Variants in MTMR3 observed in about 807,000 individuals in gnomAD.
The protein encoded by MTMR3 is phosphatidylinositol-3,5-bisphosphate 3-phosphatase MTMR3.
A neutral mutation model predicts 132.4 loss-of-function variants in MTMR3; 32 were observed. That is an observed-to-expected ratio of 0.24 (90% CI 0.18 to 0.32). The LOEUF (loss-of-function observed/expected upper bound fraction) is 0.32, where lower values mean the gene tolerates loss of function less well. Among genes scored for constraint, MTMR3 ranks in the 10% least tolerant of loss-of-function variants. The pLI is 1.00. For synonymous variants in MTMR3, 556 were observed against 550.3 expected, an observed-to-expected ratio of 1.01 and a Z score of -0.14; for missense variants, 1,216 against 1,489.6, an observed-to-expected ratio of 0.82 and a Z score of 3.02.
At chr22:29,909,201 G>A (rs942367449) in intron 1 of MTMR3, among the ~76,000 whole-genome samples, 1 of 151,902 alleles carries the variant, frequency 6.6e-6, no homozygotes, top group Admixed American at 6.6e-5. Context: ...GGCTTACTGT[G>A]CCTGGCCCAC....
chr22:29,883,457 C>T (rs1336445054), intron 1 of MTMR3, 98 bp downstream of exon 1: 1 of 152,542 alleles, frequency 6.6e-6, no homozygotes, highest in Non-Finnish European at 1.5e-5. Context: ...CGGCTGTCAC[C>T]CTCTGAGGAG....
At chr22:29,920,527 GTTAT>G (rs1016390664) in intron 1 of MTMR3, among the ~76,000 whole-genome samples, 1 of 152,104 alleles carries the variant, frequency 6.6e-6, no homozygotes, top group Non-Finnish European at 1.5e-5. Context: ...TGAATGTTAT[GTTAT>G]ATTTGTTTGG....
Position 30,020,010 on chromosome 22 carries a change from G to T in MTMR3, c.2351G>T (p.Arg784Met), listed in dbSNP as rs780964877. The T allele has an allele frequency of 9.3e-6, 15 of 1,614,192 alleles. No individual in the cohort carries two copies. Among genetic ancestry groups the T allele is most frequent in the Non-Finnish European group, 1.3e-5 (15 of 1,180,034 alleles). Reference sequence around the variant, plus strand: ...CTCAGTTCTCTCCAGGTCCCCCCCAGGGGAGAGGATTCCCTGGAGGTCCCT... The same window carrying T: ...CTCAGTTCTCTCCAGGTCCCCCCCATGGGAGAGGATTCCCTGGAGGTCCCT... ...VLLSSLQVPP[R>M]GEDSLEVPVE... Residue 784 changes from arginine (R) to methionine (M), a missense_variant, in exon 17 of 20, where the codon AGG (arginine) becomes ATG (methionine). Physicochemically the swap from Arg to Met is moderately conservative, Grantham distance 91 (BLOSUM62 -1). Transcript: ENST00000401950.
intron 1 of MTMR3, among the ~76,000 whole-genome samples, chr22:29,910,253 C>T (rs73883336): frequency 0.011 from 1,631 of 152,088 alleles, 34 homozygotes; most frequent in African/African-American, 0.038. Context: ...TCTGAGTGTA[C>T]ATCCAAATCC....
At chr22:30,008,968 G>T in intron 11 of MTMR3, 50 bp from the exon 12 acceptor site, 1 of 1,322,046 alleles carries the variant, frequency 7.6e-7, no homozygotes. Flanking sequence ...TTGGCCATGT[G>T]GGCTTTAAGT....
rs759191023 is a variant in MTMR3 at position 29,938,665 on chromosome 22, G to A, written c.-137-18371G>A. ...TTCCGAAATCTGAGTCTCTGATGTG[G>A]AACCATATAGAGATAAATTTTTCTT... On this transcript the variant is annotated intron_variant, in intron 1 of 19. Transcript: ENST00000401950. Among the ~76,000 whole-genome samples, 3 of 152,242 alleles carry A rather than the reference G, an allele frequency of 2.0e-5. No homozygotes were observed. In the South Asian group the frequency reaches 6.2e-4, roughly 32 times the overall value.
chr22:29,893,748 G>A (rs2064841136), intron 1 of MTMR3, among the ~76,000 whole-genome samples: 1 of 151,772 alleles, frequency 6.6e-6, no homozygotes, highest in Non-Finnish European at 1.5e-5. Flanking sequence ...TGTCTTGGTG[G>A]GATAATGTGG....
chr22:29,937,221 G>A (rs1338917257), intron 1 of MTMR3, among the ~76,000 whole-genome samples: 2 of 151,924 alleles, frequency 1.3e-5, no homozygotes, highest in Admixed American at 6.6e-5. Context: ...TTATTTCTCT[G>A]GAGGATACTG....
intron 1 of MTMR3, among the ~76,000 whole-genome samples, chr22:29,908,310 C>T (rs549611561): frequency 1.3e-4 from 20 of 152,298 alleles, no homozygotes; most frequent in Non-Finnish European, 1.3e-4. Context: ...GCACAAGTAT[C>T]GTGTTCATGT....
At chr22:29,929,895 T>G (rs1386890810) in intron 1 of MTMR3, among the ~76,000 whole-genome samples, 1 of 152,174 alleles carries the variant, frequency 6.6e-6, no homozygotes, top group Non-Finnish European at 1.5e-5. Flanking sequence ...GAATTTTGAC[T>G]GAACTGTTTA....
chr22:29,992,497 G>C (rs1383058775), intron 7 of MTMR3: 1 of 152,102 alleles, frequency 6.6e-6, no homozygotes, highest in Admixed American at 6.6e-5. Flanking sequence ...TTCTCCGTCA[G>C]AAATGGCTTT....
intron 1 of MTMR3, among the ~76,000 whole-genome samples, chr22:29,955,791 G>A (rs899684519): frequency 1.7e-4 from 26 of 151,534 alleles, no homozygotes; most frequent in Admixed American, 1.4e-3. Flanking sequence ...TCACACTGTC[G>A]CCAAGGCTGG....
intron 1 of MTMR3, among the ~76,000 whole-genome samples, chr22:29,893,465 T>C (rs760550488): frequency 6.6e-5 from 10 of 152,198 alleles, no homozygotes; most frequent in Admixed American, 1.3e-4. Flanking sequence ...TCCCAAAACA[T>C]GGACTCCATG....
At chr22:29,955,413 G>C (rs1033472081) in intron 1 of MTMR3, among the ~76,000 whole-genome samples, 1 of 152,132 alleles carries the variant, frequency 6.6e-6, no homozygotes, top group Non-Finnish European at 1.5e-5. Flanking sequence ...TGCAGGAAAA[G>C]GTTCTACAGA....
intron 17 of MTMR3, chr22:30,021,780 G>T: frequency 2.2e-6 from 1 of 457,260 alleles, no homozygotes; most frequent in Non-Finnish European, 3.9e-6. Flanking sequence ...CTCACTTTCT[G>T]GAACCCTGAG....
intron 1 of MTMR3, among the ~76,000 whole-genome samples, chr22:29,920,337 A>C (rs564885579): frequency 6.6e-6 from 1 of 152,292 alleles, no homozygotes; most frequent in Non-Finnish European, 1.5e-5. Flanking sequence ...ATATTATGCT[A>C]ATTAAATGAC....
chr22:29,907,840 C>T lies in MTMR3; in HGVS notation c.-138+24481C>T, dbSNP rs1268833114. Among the ~76,000 whole-genome samples, 3 of 152,104 alleles carry T rather than the reference C, an allele frequency of 2.0e-5. No homozygotes were observed. In the East Asian group the frequency reaches 5.8e-4, roughly 29 times the overall value. ...AGTCTTCTGAAATGCAGTGTTTTGGCCACCATTCCAGCTCTACAGGAATAT... is the reference window on the plus strand; with the variant it reads ...AGTCTTCTGAAATGCAGTGTTTTGGTCACCATTCCAGCTCTACAGGAATAT... On this transcript the variant is annotated intron_variant, in intron 1 of 19. Transcript: ENST00000401950.
rs764679608 is a variant in MTMR3 at position 30,020,334 on chromosome 22, G to A, written c.2675G>A (p.Arg892Lys). 5.6e-6 allele frequency: 9 copies of A among 1,614,214 alleles called. No homozygotes were observed. Among genetic ancestry groups the A allele is most frequent in the Non-Finnish European group, 5.9e-6 (7 of 1,180,040 alleles). ...PSPSETSLVERPQVGSVVHRT... is the reference protein window; with the variant it reads ...PSPSETSLVEKPQVGSVVHRT... Reference sequence around the variant, plus strand: ...CCTTCAGAGACAAGCCTGGTCGAGAGGCCCCAAGTGGGGTCTGTGGTGCAT... The same window carrying A: ...CCTTCAGAGACAAGCCTGGTCGAGAAGCCCCAAGTGGGGTCTGTGGTGCAT... The change falls in exon 17 of 20, where the codon AGG becomes AAG. Residue 892 changes from arginine (R) to lysine (K), a missense_variant. Coordinates refer to ENST00000401950, the MANE Select transcript of MTMR3 (RefSeq NM_021090.4).
chr22:29,940,526 T>C (rs2145809926), intron 1 of MTMR3, among the ~76,000 whole-genome samples: 2 of 150,298 alleles, frequency 1.3e-5, no homozygotes, highest in Middle Eastern at 3.4e-3. Context: ...TGACAATGAC[T>C]GTACTTTTAA....
Sources: gnomAD v4.1 joint callset for allele counts (sites outside exome capture counted in the v4.1 genomes callset) on GRCh38, gnomAD v4.1.1 for gene constraint, MANE v1.5 for transcripts, NCBI Gene and HGNC (gene_info 2026-07-23, HGNC 2026-07-21) for gene names.